Variants in TBC1D19 observed in about 807,000 individuals in gnomAD.
The protein encoded by TBC1D19 is TBC1 domain family member 19.
TBC1D19 carries 60 observed loss-of-function variants against 89.0 expected under a neutral mutation model. That is an observed-to-expected ratio of 0.67 (90% CI 0.55 to 0.84). TBC1D19 has a LOEUF of 0.84. TBC1D19 is among the 40% of genes least tolerant of loss of function. The probability of loss-of-function intolerance (pLI) is 0.00; values close to 1 mark genes in which losing one functional copy is unlikely to be tolerated. For missense variants in TBC1D19, 500 were observed against 610.8 expected, an observed-to-expected ratio of 0.82 and a Z score of 1.91; for synonymous variants, 189 against 199.7, an observed-to-expected ratio of 0.95 and a Z score of 0.45.
At chr4:26,805,285 C>T in the TBC1D19 span, among the ~76,000 whole-genome samples, 1 of 152,186 alleles carries the variant, frequency 6.6e-6, no homozygotes, top group African/African-American at 2.4e-5. Flanking sequence ...AAGCTTCAGT[C>T]TGGGATGAGG....
At chr4:26,759,605 G>T (rs536962013), downstream of TBC1D19, among the ~76,000 whole-genome samples, 2 of 151,938 alleles carry the variant, frequency 1.3e-5, no homozygotes, top group African/African-American at 4.8e-5. Flanking sequence ...AGTTCCTTTT[G>T]TGCCCCTCCC....
intron 1 of TBC1D19, among the ~76,000 whole-genome samples, chr4:26,610,166 G>A (rs1741270670): frequency 6.6e-6 from 1 of 151,856 alleles, no homozygotes; most frequent in South Asian, 2.1e-4. Flanking sequence ...TGGAGAGAAA[G>A]TATAGATTGG....
intron 9 of TBC1D19, among the ~76,000 whole-genome samples, chr4:26,669,523 T>C (rs1013707782): frequency 3.3e-5 from 5 of 151,762 alleles, no homozygotes; most frequent in Non-Finnish European, 7.4e-5. Context: ...GTTGGAGATT[T>C]TGGTTCTGAC....
chr4:26,855,985 A>G, the TBC1D19 span, among the ~76,000 whole-genome samples: 3 of 152,234 alleles, frequency 2.0e-5, no homozygotes, highest in Admixed American at 2.0e-4. Context: ...TGTAGTGACA[A>G]TGTTAAAAAT....
chr4:26,621,186 A>T (rs1488806856), intron 4 of TBC1D19, among the ~76,000 whole-genome samples: 1 of 152,248 alleles, frequency 6.6e-6, no homozygotes, highest in East Asian at 1.9e-4. Flanking sequence ...CTAAGAATAA[A>T]ATGACAAAAT....
intron 4 of TBC1D19, among the ~76,000 whole-genome samples, chr4:26,634,075 C>CAAAA (rs111244858): frequency 7.8e-6 from 1 of 128,006 alleles, no homozygotes. Context: ...GAGTATTTTG[C>CAAAA]AAAAAAAAAA....
At chr4:26,728,551 C>T (rs1717457998) in intron 15 of TBC1D19, among the ~76,000 whole-genome samples, 1 of 152,092 alleles carries the variant, frequency 6.6e-6, no homozygotes, top group Non-Finnish European at 1.5e-5. Context: ...GAGACTCAAC[C>T]AAAGAATATA....
At chr4:26,669,511 A>G (rs1712102571) in intron 9 of TBC1D19, among the ~76,000 whole-genome samples, 1 of 151,854 alleles carries the variant, frequency 6.6e-6, no homozygotes, top group African/African-American at 2.4e-5. Flanking sequence ...ATTAGAGTGT[A>G]AGTTGGAGAT....
intron 8 of TBC1D19, among the ~76,000 whole-genome samples, chr4:26,661,517 C>T (rs551859635): frequency 3.3e-5 from 5 of 152,182 alleles, no homozygotes; most frequent in South Asian, 2.1e-4. Flanking sequence ...ATTTCTAAAT[C>T]GGAACGACCA....
At chr4:26,808,177 G>C in the TBC1D19 span, among the ~76,000 whole-genome samples, 7 of 152,184 alleles carry the variant, frequency 4.6e-5, no homozygotes, top group Non-Finnish European at 1.0e-4. Flanking sequence ...AACAAGCATG[G>C]GTTTTCTTAG....
chr4:26,825,517 A>C, the TBC1D19 span, among the ~76,000 whole-genome samples: 1 of 152,218 alleles, frequency 6.6e-6, no homozygotes, highest in East Asian at 1.9e-4. Flanking sequence ...TTAAGAAAAA[A>C]ATCCAGGCCA....
intron 4 of TBC1D19, among the ~76,000 whole-genome samples, chr4:26,622,676 G>C (rs1163725547): frequency 6.6e-6 from 1 of 152,028 alleles, no homozygotes; most frequent in East Asian, 1.9e-4. Flanking sequence ...GGATAATCTT[G>C]TGACACATGA....
chr4:26,644,654 A>G (rs1462003159), intron 7 of TBC1D19, among the ~76,000 whole-genome samples: 1 of 152,230 alleles, frequency 6.6e-6, no homozygotes, highest in Non-Finnish European at 1.5e-5. Context: ...AGATGACATG[A>G]TTGTATATTT....
intron 1 of TBC1D19, among the ~76,000 whole-genome samples, chr4:26,604,148 CTTT>C (rs1173641270): frequency 4.1e-5 from 5 of 120,726 alleles, no homozygotes; most frequent in Admixed American, 8.0e-5. Context: ...TTTTCTTTTT[CTTT>C]TTTTTTTTTT....
At chr4:26,618,277 C>A (rs530685456) in intron 3 of TBC1D19, among the ~76,000 whole-genome samples, 2 of 152,192 alleles carry the variant, frequency 1.3e-5, no homozygotes, top group South Asian at 4.1e-4. Flanking sequence ...ACACGTAAGG[C>A]CGGCATTTAA....
intron 13 of TBC1D19, among the ~76,000 whole-genome samples, chr4:26,714,316 T>C (rs936805481): frequency 6.6e-6 from 1 of 152,108 alleles, no homozygotes; most frequent in Non-Finnish European, 1.5e-5. Flanking sequence ...AACGTGCAGG[T>C]TAGTTACATA....
At chr4:26,778,173 T>A in the TBC1D19 span, among the ~76,000 whole-genome samples, 1 of 151,698 alleles carries the variant, frequency 6.6e-6, no homozygotes, top group South Asian at 2.1e-4. Flanking sequence ...CCCAGCACTT[T>A]GGGAGGCCGA....
At chr4:26,607,294 C>T (rs553123905) in intron 1 of TBC1D19, among the ~76,000 whole-genome samples, 3 of 152,276 alleles carry the variant, frequency 2.0e-5, no homozygotes, top group Middle Eastern at 6.8e-3. Flanking sequence ...TTCTAGCCCC[C>T]CTCACCCACC....
intron 13 of TBC1D19, among the ~76,000 whole-genome samples, chr4:26,700,650 T>C (rs891648805): frequency 5.9e-5 from 9 of 152,212 alleles, no homozygotes; most frequent in Non-Finnish European, 1.3e-4. Flanking sequence ...TAAAATTCTT[T>C]TATCTCAAGA....
Sources: allele counts gnomAD v4.1 joint callset (sites outside exome capture counted in the v4.1 genomes callset), GRCh38; gene constraint gnomAD v4.1.1; transcripts MANE v1.5; gene names NCBI Gene and HGNC (gene_info 2026-07-23, HGNC 2026-07-21).